PPARG: variants seen among roughly 807,000 people sequenced by gnomAD.
PPARG encodes the protein peroxisome proliferator-activated receptor gamma.
Under a neutral mutation model 39.2 loss-of-function variants are expected in PPARG, and 17 were observed. The observed-to-expected ratio is 0.43, with a 90% CI of 0.30 to 0.65. PPARG has a LOEUF of 0.65. Among genes scored for constraint, PPARG ranks in the 30% least tolerant of loss-of-function variants. The pLI, the probability that PPARG is intolerant of heterozygous loss-of-function variation, is 0.13. For missense variants in PPARG, 406 were observed against 585.9 expected, an observed-to-expected ratio of 0.69 and a Z score of 3.17; for synonymous variants, 223 against 215.7, an observed-to-expected ratio of 1.03 and a Z score of -0.30.
intron 1 of PPARG, among the ~76,000 whole-genome samples, chr3:12,294,077 A>T (rs892477196): frequency 6.6e-6 from 1 of 152,206 alleles, no homozygotes; most frequent in Non-Finnish European, 1.5e-5. Context: ...ACCTGAAAAC[A>T]AGGCCTTTAA....
chr3:12,433,532 C>T (rs1171123098), intron 7 of PPARG, among the ~76,000 whole-genome samples: 1 of 128,098 alleles, frequency 7.8e-6, no homozygotes, highest in Non-Finnish European at 1.6e-5. Context: ...AGCAAGACTC[C>T]ATCTCAAAAA....
chr3:12,432,207 T>A (rs1464585642), intron 7 of PPARG, among the ~76,000 whole-genome samples: 2 of 152,170 alleles, frequency 1.3e-5, no homozygotes, highest in African/African-American at 4.8e-5. Flanking sequence ...CAACTTGGTG[T>A]ATAAGGCTAG....
intron 2 of PPARG, among the ~76,000 whole-genome samples, chr3:12,336,280 T>C (rs895603399): frequency 6.6e-6 from 1 of 152,170 alleles, no homozygotes; most frequent in Admixed American, 6.5e-5. Context: ...TGCTGGTTGC[T>C]CTTGGGGAGT....
intron 7 of PPARG, among the ~76,000 whole-genome samples, chr3:12,429,147 G>A (rs1023155623): frequency 6.6e-5 from 10 of 152,162 alleles, no homozygotes; most frequent in African/African-American, 2.4e-4. Context: ...TGTCATTGCA[G>A]AAAATATACT....
chr3:12,395,311 G>T (rs1338028254), intron 5 of PPARG, among the ~76,000 whole-genome samples: 1 of 152,156 alleles, frequency 6.6e-6, no homozygotes, highest in East Asian at 1.9e-4. Context: ...GTTTTCACCT[G>T]TATGTTTTGG....
chr3:12,311,024 A>G lies in PPARG; in HGVS notation c.-82-1356A>G, dbSNP rs147858696. 7.1e-3 allele frequency among the ~76,000 whole-genome samples: 1,087 copies of G among 152,326 alleles called. 11 individuals carry two copies. The highest frequency in any genetic ancestry group is 0.025 in the African/African-American group (1,030 of 41,560). On this transcript the variant is annotated intron_variant, in intron 1 of 7. Coordinates refer to ENST00000651735, the MANE Select transcript of PPARG (RefSeq NM_138711.6). Reference sequence around the variant, plus strand: ...ACATGTGGGCATTACACACTGACACATTAGCTCTTTCTAAAGAAGAACATG... The same window carrying G: ...ACATGTGGGCATTACACACTGACACGTTAGCTCTTTCTAAAGAAGAACATG...
intron 1 of PPARG, among the ~76,000 whole-genome samples, chr3:12,303,860 T>C (rs1012324298): frequency 6.6e-6 from 1 of 152,236 alleles, no homozygotes; most frequent in Admixed American, 6.5e-5. Context: ...GGTGCCATGA[T>C]TCCCTATTCT....
At chr3:12,382,894 C>G (rs923939627) in intron 4 of PPARG, among the ~76,000 whole-genome samples, 2 of 152,042 alleles carry the variant, frequency 1.3e-5, no homozygotes, top group African/African-American at 4.8e-5. Context: ...TCCCTTGATC[C>G]CAGAAGTTCA....
At position 12,417,049 on chromosome 3, in the gene PPARG, G is replaced by A. The variant is rs1182239192; in HGVS notation, c.1075G>A (p.Gly359Ser). 6.2e-7 allele frequency: 1 copy of A among 1,612,930 alleles called. No homozygotes were observed. The highest frequency in any genetic ancestry group is 1.3e-5 in the African/African-American group (1 of 74,798). ...EFLKSLRKPFGDFMEPKFEFA... is the reference protein window; with the variant it reads ...EFLKSLRKPFSDFMEPKFEFA... ...TCTAAAGAGCCTGCGAAAGCCTTTT[G>A]GTGACTTTATGGAGCCCAAGTTTGA... The change falls in exon 7 of 8, where the codon GGT (glycine) becomes AGT (serine). Residue 359 changes from glycine to serine, a missense_variant. Physicochemically the swap from Gly to Ser is moderately conservative, Grantham distance 56. This residue lies in a region of PPARG where 275 missense variants were observed against 458.0 expected (regional missense o/e 0.60). Coordinates refer to ENST00000651735, the MANE Select transcript of PPARG (RefSeq NM_138711.6).
chr3:12,383,422 A>C (rs1316078538), intron 4 of PPARG, among the ~76,000 whole-genome samples: 1 of 152,090 alleles, frequency 6.6e-6, no homozygotes, highest in Non-Finnish European at 1.5e-5. Flanking sequence ...TTTTTATTGA[A>C]TGTTTTGTGG....
chr3:12,345,704 G>A (rs765034131), intron 2 of PPARG, among the ~76,000 whole-genome samples: 12 of 152,160 alleles, frequency 7.9e-5, no homozygotes, highest in Non-Finnish European at 1.6e-4. Flanking sequence ...GTGAGCCCGT[G>A]ATTTCAACAG....
At chr3:12,290,745 A>T (rs1316108859) in intron 1 of PPARG, among the ~76,000 whole-genome samples, 1 of 152,186 alleles carries the variant, frequency 6.6e-6, no homozygotes, top group Non-Finnish European at 1.5e-5. Context: ...AACCTTAATT[A>T]TCAAGATAAT....
intron 7 of PPARG, among the ~76,000 whole-genome samples, chr3:12,422,598 G>A (rs998508592): frequency 1.3e-5 from 2 of 152,238 alleles, no homozygotes; most frequent in African/African-American, 4.8e-5. Flanking sequence ...GAATTTCCAA[G>A]GCCAGGCACA....
chr3:12,371,445 G>T (rs1044267594), intron 2 of PPARG, among the ~76,000 whole-genome samples: 2 of 152,168 alleles, frequency 1.3e-5, no homozygotes, highest in African/African-American at 4.8e-5. Flanking sequence ...TACGCCTTTT[G>T]ATTAATTCAG....
chr3:12,368,179 T>G (rs1009448494), intron 2 of PPARG, among the ~76,000 whole-genome samples: 37 of 107,222 alleles, frequency 3.5e-4, no homozygotes, highest in African/African-American at 1.1e-3. Context: ...ATTTTTTTCT[T>G]TTTCTTTTTT....
At chr3:12,363,233 A>C (rs2048910520) in intron 2 of PPARG, among the ~76,000 whole-genome samples, 1 of 152,230 alleles carries the variant, frequency 6.6e-6, no homozygotes, top group Non-Finnish European at 1.5e-5. Context: ...AATATTTTTT[A>C]TAGTGCTCAG....
chr3:12,341,293 A>G (rs2048177966), intron 2 of PPARG, among the ~76,000 whole-genome samples: 1 of 152,246 alleles, frequency 6.6e-6, no homozygotes, highest in Non-Finnish European at 1.5e-5. Context: ...AAATTCTCTA[A>G]AAATAGCTGA....
At chr3:12,373,350 G>A (rs2125151700) in intron 2 of PPARG, among the ~76,000 whole-genome samples, 1 of 152,264 alleles carries the variant, frequency 6.6e-6, no homozygotes, top group South Asian at 2.1e-4. Context: ...TAGAGATGAA[G>A]AGGCAAGCTG....
chr3:12,361,090 T>C (rs976817582), intron 2 of PPARG, among the ~76,000 whole-genome samples: 1 of 152,230 alleles, frequency 6.6e-6, no homozygotes, highest in South Asian at 2.1e-4. Context: ...CTTTTTCACG[T>C]TAGCCATTCT....
Sources: gnomAD v4.1 joint callset for allele counts (sites outside exome capture counted in the v4.1 genomes callset) on GRCh38, gnomAD v4.1.1 for gene constraint, gnomAD v4.1.1 regional missense constraint, MANE v1.5 for transcripts, NCBI Gene and HGNC (gene_info 2026-07-23, HGNC 2026-07-21) for gene names.